Variants in VPS13D observed in about 807,000 individuals in gnomAD.
VPS13D encodes the protein vacuolar protein sorting 13 homolog D.
In VPS13D, 187 loss-of-function variants were observed where a neutral mutation model predicts 461.9. The observed-to-expected ratio is 0.40, with a 90% CI of 0.36 to 0.46. The LOEUF is 0.46. Among genes scored for constraint, VPS13D ranks in the 20% least tolerant of loss-of-function variants. The probability of loss-of-function intolerance (pLI) is 0.60; values close to 1 mark genes in which losing one functional copy is unlikely to be tolerated. For synonymous variants in VPS13D, 1,951 were observed against 1,986.3 expected (o/e 0.98, Z 0.47); for missense variants, 4,711 against 5,364.9 (o/e 0.88, Z 3.81).
chr1:12,470,431 G>T (rs896476926), intron 67 of VPS13D, among the ~76,000 whole-genome samples: 3 of 152,222 alleles, frequency 2.0e-5, no homozygotes, highest in Admixed American at 2.0e-4. Flanking sequence ...CTATCCTTTA[G>T]TGAGAAGATG....
chr1:12,394,378 G>A (rs1039338632), intron 60 of VPS13D, among the ~76,000 whole-genome samples: 3 of 152,210 alleles, frequency 2.0e-5, no homozygotes, highest in Admixed American at 1.3e-4. Flanking sequence ...CTCTACATGA[G>A]TCAGACTATT....
At chr1:12,348,721 T>C (rs1643731232) in intron 44 of VPS13D, 102 bp from the exon 45 acceptor site, 2 of 1,381,754 alleles carry the variant, frequency 1.4e-6, no homozygotes, top group African/African-American at 1.4e-5. Flanking sequence ...AGAACTATAG[T>C]AGTAATAAGA....
In VPS13D at chr1:12,403,823, A is replaced by G; in HGVS notation, c.11882-2A>G. The G allele has an allele frequency of 1.3e-6, 2 of 1,595,034 alleles. No individual in the cohort carries two copies. The highest frequency in any genetic ancestry group is 8.5e-7 in the Non-Finnish European group (1 of 1,173,308). Reference sequence around the variant, plus strand: ...GTTTTTTTAATTCTTCCTTTGTACCAGAGGTGGAAAAATATGATGAAAACC... The same window carrying G: ...GTTTTTTTAATTCTTCCTTTGTACCGGAGGTGGAAAAATATGATGAAAACC... On this transcript the variant is annotated splice_acceptor_variant, in intron 62 of 69. Transcript: ENST00000620676. LOFTEE classifies it high-confidence loss of function.
chr1:12,303,675 A>G (rs1332886662), intron 25 of VPS13D, among the ~76,000 whole-genome samples: 1 of 152,226 alleles, frequency 6.6e-6, no homozygotes, highest in African/African-American at 2.4e-5. Flanking sequence ...GTCAACATAA[A>G]GGCAGCCCTA....
At chr1:12,445,903 A>G (rs925345394) in intron 65 of VPS13D, among the ~76,000 whole-genome samples, 1 of 152,176 alleles carries the variant, frequency 6.6e-6, no homozygotes, top group Admixed American at 6.5e-5. Context: ...ACCAGTTCCC[A>G]ATTGGTGGTC....
intron 52 of VPS13D, among the ~76,000 whole-genome samples, chr1:12,367,290 T>G (rs1644049310): frequency 6.6e-6 from 1 of 152,262 alleles, no homozygotes; most frequent in Admixed American, 6.5e-5. Flanking sequence ...TTCTATGTGA[T>G]GCTGTGTGTT....
At chr1:12,428,483 G>C (rs1031857157) in intron 65 of VPS13D, among the ~76,000 whole-genome samples, 2 of 152,242 alleles carry the variant, frequency 1.3e-5, no homozygotes, top group African/African-American at 4.8e-5. Context: ...GGAGAAGTCA[G>C]GTTTAAAGTG....
At chr1:12,336,276 T>C (rs1397052930) in intron 39 of VPS13D, 1 of 165,672 alleles carries the variant, frequency 6.0e-6, no homozygotes, top group East Asian at 1.7e-4. Context: ...CAGGAGCCCA[T>C]GTGGAAAAAG....
intron 65 of VPS13D, among the ~76,000 whole-genome samples, chr1:12,435,893 G>C (rs890025384): frequency 2.0e-5 from 3 of 152,120 alleles, no homozygotes; most frequent in African/African-American, 7.2e-5. Context: ...CAAAGTGTGT[G>C]GCCGAAACCA....
intron 21 of VPS13D, among the ~76,000 whole-genome samples, chr1:12,285,735 A>G (rs1185287043): frequency 1.3e-5 from 2 of 152,234 alleles, no homozygotes; most frequent in African/African-American, 4.8e-5. Context: ...ACACCAGTCC[A>G]TAATCAGATT....
intron 67 of VPS13D, among the ~76,000 whole-genome samples, chr1:12,490,583 T>C (rs1448445436): frequency 6.6e-6 from 1 of 151,982 alleles, no homozygotes; most frequent in Non-Finnish European, 1.5e-5. Context: ...AGTTGCAGCC[T>C]ATGGCATGAT....
intron 35 of VPS13D, among the ~76,000 whole-genome samples, chr1:12,325,628 G>A (rs1643161952): frequency 6.6e-6 from 1 of 152,086 alleles, no homozygotes; most frequent in African/African-American, 2.4e-5. Flanking sequence ...CATTTTTAAT[G>A]TACTGGTAGA....
rs897005845 is a variant in VPS13D at position 12,310,491 on chromosome 1, C to T, written c.6651-963C>T. Among the ~76,000 whole-genome samples, 5 of 152,064 alleles carry T rather than the reference C, an allele frequency of 3.3e-5. No homozygotes were observed. The South Asian group carries it at 1.0e-3, about 32-fold the overall frequency. ...TATTGAGATGAGGTACAGATGTGTGCCCCTCCCCCTCTTCAACTTTACTTC... is the reference window on the plus strand; with the variant it reads ...TATTGAGATGAGGTACAGATGTGTGTCCCTCCCCCTCTTCAACTTTACTTC... On this transcript the variant is annotated intron_variant, in intron 27 of 69. Coordinates refer to ENST00000620676, the MANE Select transcript of VPS13D (RefSeq NM_015378.4).
Position 12,356,543 on chromosome 1 carries a change from G to A in VPS13D, c.9998+19G>A, listed in dbSNP as rs1331545148. ...CAAACCTGTGAGTACAGTTATTTAT[G>A]GGAAGGGGAAATAAGCTCCCAGGGA... On this transcript the variant is annotated intron_variant, in intron 49 of 69. Coordinates refer to ENST00000620676, the MANE Select transcript of VPS13D (RefSeq NM_015378.4). The A allele has an allele frequency of 6.2e-7, 1 of 1,606,934 alleles. No individual in the cohort carries two copies. Among genetic ancestry groups the A allele is most frequent in the Non-Finnish European group, 8.5e-7 (1 of 1,177,074 alleles).
intron 67 of VPS13D, among the ~76,000 whole-genome samples, chr1:12,492,678 G>C (rs544292316): frequency 1.3e-5 from 2 of 152,190 alleles, no homozygotes; most frequent in Admixed American, 6.5e-5. Flanking sequence ...CAGGAAACAC[G>C]TACAGGAATG....
chr1:12,235,193 T>A (rs1640106478), intron 2 of VPS13D, among the ~76,000 whole-genome samples: 1 of 152,182 alleles, frequency 6.6e-6, no homozygotes, highest in Admixed American at 6.5e-5. Context: ...TGAGTTTTGG[T>A]AAGTGGACCA....
chr1:12,387,098 G>A (rs1000212830), intron 60 of VPS13D, among the ~76,000 whole-genome samples: 7 of 152,182 alleles, frequency 4.6e-5, no homozygotes, highest in Non-Finnish European at 1.0e-4. Context: ...AGGATCAGAG[G>A]GAACAGTGCC....
At chr1:12,285,301 T>TC (rs1020867309) in intron 21 of VPS13D, among the ~76,000 whole-genome samples, 1 of 149,536 alleles carries the variant, frequency 6.7e-6, no homozygotes, top group African/African-American at 2.4e-5. Context: ...TATTTATTTT[T>TC]TTTTTTTGAG....
rs748631444 is a variant in VPS13D, at chr1:12,293,587, C to T, written c.5916C>T (p.Ala1972=). The T allele has an allele frequency of 4.3e-6, 7 of 1,614,040 alleles. No individual in the cohort carries two copies. The highest frequency in any genetic ancestry group is 8.5e-7 in the Non-Finnish European group (1 of 1,180,012). Residue 1972 remains alanine (A), a synonymous_variant, in exon 24 of 70, where the codon GCC becomes GCT. Transcript: ENST00000620676. The part of the protein sequence containing the change: ...EHDIRVSLRM[A]SVQYVHTQRF... ...ACATTCGCGTGAGCCTCCGGATGGC[C>T]TCTGTGCAGTATGTGCATACTCAGC... is the stretch of plus-strand genomic sequence containing the variant.
Sources: gnomAD v4.1 joint callset for allele counts (sites outside exome capture counted in the v4.1 genomes callset) on GRCh38, gnomAD v4.1.1 for gene constraint, MANE v1.5 for transcripts, NCBI Gene and HGNC (gene_info 2026-07-23, HGNC 2026-07-21) for gene names.